Variants in DPY19L4 observed in about 807,000 individuals in gnomAD.
DPY19L4 encodes dpy-19 like 4.
Under a neutral mutation model 102.8 loss-of-function variants are expected in DPY19L4, and 97 were observed. The ratio of observed to expected loss-of-function variants is 0.94; its 90% CI spans 0.80 to 1.12. DPY19L4 has a LOEUF of 1.12. Among genes scored for constraint, DPY19L4 ranks in the 50% most tolerant of loss-of-function variants. The pLI is 0.00. For synonymous variants in DPY19L4, 252 were observed against 283.1 expected (o/e 0.89, Z 1.10); for missense variants, 815 against 850.4 (o/e 0.96, Z 0.52).
At position 94,788,075 on chromosome 8, in the gene DPY19L4, A is replaced by T. The variant is rs1813731614; in HGVS notation, c.2007+23A>T. 5.2e-6 allele frequency: 6 copies of T among 1,149,100 alleles called. No homozygotes were observed. The African/African-American group carries it at 8.4e-5, about 16-fold the overall frequency. The allele number at this position is 1,149,100 out of a possible 1,614,324, so 71.2% of individuals were successfully genotyped here. A position where few individuals can be genotyped will look rare whatever the true frequency, so the allele number is the denominator to read the frequency against. On this transcript the variant is annotated intron_variant, in intron 18 of 18. Coordinates refer to ENST00000414645, the MANE Select transcript of DPY19L4 (RefSeq NM_181787.3). ...CACGTAAGTAACCATTTGGAAAGTT[A>T]TATATATGTATATATATATATTTTT... is the stretch of plus-strand genomic sequence containing the variant.
chr8:94,777,689 A>T lies in DPY19L4; in HGVS notation c.1478A>T (p.Tyr493Phe). The change falls in exon 14 of 19, where the codon TAT becomes TTT. Residue 493 changes from tyrosine to phenylalanine, a missense_variant. By Grantham distance (22) the Tyr-to-Phe change is conservative. Transcript: ENST00000414645. Reference sequence around the variant, plus strand: ...AGCTTGAAGTACATCTGGATTCCTTATGTGTGCATGTTAGCAGCATTTGGT... The same window carrying T: ...AGCTTGAAGTACATCTGGATTCCTTTTGTGTGCATGTTAGCAGCATTTGGT... ...IEGLKYIWIP[Y>F]VCMLAAFGVC... 1 of 1,613,750 alleles carries T rather than the reference A, an allele frequency of 6.2e-7. No individual in the cohort carries two copies. Among genetic ancestry groups the T allele is most frequent in the South Asian group, 1.1e-5 (1 of 90,978 alleles).
Position 94,726,374 on chromosome 8 carries a change from A to C in DPY19L4, c.60A>C (p.Ser20=), listed in dbSNP as rs1461555724. 3.7e-6 allele frequency: 6 copies of C among 1,612,270 alleles called. No individual in the cohort carries two copies. The African/African-American group carries it at 8.0e-5, about 22-fold the overall frequency. Residue 20 remains serine (S), a synonymous_variant, in exon 2 of 19, where the codon TCA becomes TCC. Transcript: ENST00000414645. Reference sequence around the variant, plus strand: ...GCCAAAGAAAAAAGCCAAAGTCTTCAGAAAATAAGGAATCTGCCAAAGAAG... The same window carrying C: ...GCCAAAGAAAAAAGCCAAAGTCTTCCGAAAATAAGGAATCTGCCAAAGAAG... The part of the protein sequence containing the change: ...ELRQRKKPKS[S]ENKESAKEEK...
chr8:94,790,206 C>A lies in DPY19L4; in HGVS notation c.*296C>A, dbSNP rs183306323. ...ATATTTTCCCCATAAAATCTTCATT[C>A]TATTATAATATTGATCTTGAATTTG... On this transcript the variant is annotated 3_prime_UTR_variant, in exon 19 of 19. Transcript: ENST00000414645. The A allele has an allele frequency of 1.7e-3, 321 of 192,700 alleles. No individual in the cohort carries two copies. The highest frequency in any genetic ancestry group is 6.9e-3 in the African/African-American group (299 of 43,102). The allele number at this position is 192,700 out of a possible 1,614,324, so 11.9% of individuals were successfully genotyped here. A position where few individuals can be genotyped will look rare whatever the true frequency, so the allele number is the denominator to read the frequency against.
intron 11 of DPY19L4, among the ~76,000 whole-genome samples, chr8:94,766,971 G>A (rs992218767): frequency 2.0e-5 from 3 of 151,724 alleles, no homozygotes; most frequent in Non-Finnish European, 4.4e-5. Flanking sequence ...TCAGGAAGCT[G>A]AGGTGGGAGG....
chr8:94,720,127 C>T, intron 1 of DPY19L4, 113 bp downstream of exon 1: 2 of 1,397,676 alleles, frequency 1.4e-6, no homozygotes, highest in East Asian at 3.1e-5. Flanking sequence ...GCGGTGGCGG[C>T]CGCGCGGGCA....
At chr8:94,737,702 G>T (rs1330422078) in intron 3 of DPY19L4, among the ~76,000 whole-genome samples, 1 of 151,810 alleles carries the variant, frequency 6.6e-6, no homozygotes, top group Admixed American at 6.6e-5. Flanking sequence ...TGAATGGCGT[G>T]AACCCAAGAG....
rs1179331472 is a variant in DPY19L4 at position 94,729,749 on chromosome 8, T to TG, written c.127+3308_127+3309insG. 2.9e-3 allele frequency among the ~76,000 whole-genome samples: 439 copies of TG among 151,190 alleles called. 5 individuals carry two copies. Among genetic ancestry groups the TG allele is most frequent in the African/African-American group, 0.01 (415 of 40,916 alleles). On this transcript the variant is annotated intron_variant, in intron 2 of 18. Coordinates refer to ENST00000414645, the MANE Select transcript of DPY19L4 (RefSeq NM_181787.3). ...GGGAGGCTGAGGTAGGAGGATTGCT[T>TG]AAGCCTGAGAAGTGGTGTTTGCAGT...
chr8:94,778,310 C>T (rs751178530), intron 14 of DPY19L4, among the ~76,000 whole-genome samples: 3 of 151,952 alleles, frequency 2.0e-5, no homozygotes, highest in African/African-American at 7.3e-5. Flanking sequence ...TAAAAATGTA[C>T]GTGAATCAGT....
intron 13 of DPY19L4, among the ~76,000 whole-genome samples, chr8:94,770,856 C>A (rs1213588017): frequency 6.6e-6 from 1 of 151,570 alleles, no homozygotes; most frequent in African/African-American, 2.4e-5. Context: ...CGCCACTGCA[C>A]TCTAGCCTGA....
intron 10 of DPY19L4, 41 bp from the exon 11 acceptor site, chr8:94,766,571 A>C: frequency 6.3e-7 from 1 of 1,580,816 alleles, no homozygotes; most frequent in Non-Finnish European, 8.7e-7. Flanking sequence ...TTGTAAGCAT[A>C]GCTAATATTT....
intron 3 of DPY19L4, among the ~76,000 whole-genome samples, chr8:94,737,522 G>T (rs1586326757): frequency 6.6e-6 from 1 of 151,472 alleles, no homozygotes; most frequent in Non-Finnish European, 1.5e-5. Context: ...GTGACTCAAC[G>T]CCTGTAATCC....
intron 17 of DPY19L4, 126 bp downstream of exon 17, chr8:94,783,928 C>T: frequency 2.7e-6 from 3 of 1,101,958 alleles, no homozygotes; most frequent in Non-Finnish European, 3.7e-6. Context: ...AGTTAATTAA[C>T]TTCCATTTTA....
chr8:94,767,214 C>G (rs571999809), intron 11 of DPY19L4, among the ~76,000 whole-genome samples: 1 of 152,072 alleles, frequency 6.6e-6, no homozygotes, highest in Non-Finnish European at 1.5e-5. Flanking sequence ...AACATCTTTT[C>G]CCACGGCTAG....
chr8:94,768,836 A>G (rs1008142356), intron 12 of DPY19L4, among the ~76,000 whole-genome samples: 1 of 151,776 alleles, frequency 6.6e-6, no homozygotes, highest in Admixed American at 6.6e-5. Flanking sequence ...TACTAAAAGT[A>G]CATAAATTAG....
intron 7 of DPY19L4, among the ~76,000 whole-genome samples, chr8:94,760,069 C>T (rs566048812): frequency 6.6e-6 from 1 of 152,310 alleles, no homozygotes; most frequent in East Asian, 1.9e-4. Flanking sequence ...CAAGACTGCA[C>T]AGAACCTTGA....
At chr8:94,720,777 A>C (rs112984377) in intron 1 of DPY19L4, among the ~76,000 whole-genome samples, 3,606 of 152,348 alleles carry the variant, frequency 0.024, 57 homozygotes, top group Non-Finnish European at 0.039. Context: ...GGTTAGTGAT[A>C]AACAATACAA....
chr8:94,739,355 A>G, intron 4 of DPY19L4, 58 bp from the exon 5 acceptor site: 4 of 1,484,464 alleles, frequency 2.7e-6, no homozygotes, highest in African/African-American at 2.8e-5. Context: ...GACTAATGAC[A>G]TGTTTAATTA....
intron 16 of DPY19L4, among the ~76,000 whole-genome samples, chr8:94,781,579 C>T (rs1433858381): frequency 2.6e-5 from 4 of 152,074 alleles, no homozygotes; most frequent in Admixed American, 6.6e-5. Flanking sequence ...CCTATGGAAG[C>T]AGGGAATTGG....
At chr8:94,742,747 G>A (rs570720213) in intron 6 of DPY19L4, among the ~76,000 whole-genome samples, 1 of 151,906 alleles carries the variant, frequency 6.6e-6, no homozygotes, top group South Asian at 2.1e-4. Flanking sequence ...TTTTAGTAGA[G>A]ATGGGGTTTC....
Sources: gnomAD v4.1 joint callset for allele counts (sites outside exome capture counted in the v4.1 genomes callset) on GRCh38, gnomAD v4.1.1 for gene constraint, MANE v1.5 for transcripts, NCBI Gene and HGNC (gene_info 2026-07-23, HGNC 2026-07-21) for gene names.